The following SLC6A13 variants were observed in gnomAD, a reference collection of about 807,000 sequenced individuals.
SLC6A13 encodes sodium- and chloride-dependent GABA transporter 2.
In SLC6A13, 69 loss-of-function variants were observed where a neutral mutation model predicts 72.9. The ratio of observed to expected loss-of-function variants is 0.95; its 90% confidence interval spans 0.78 to 1.16. The LOEUF is 1.16. Among genes scored for constraint, SLC6A13 ranks in the 50% most tolerant of loss-of-function variants. The pLI, the probability that SLC6A13 is intolerant of heterozygous loss-of-function variation, is 0.00. For synonymous variants in SLC6A13, 303 were observed against 303.0 expected (o/e 1.00, Z 0.00); for missense variants, 735 against 760.5 (o/e 0.97, Z 0.39).
intron 14 of SLC6A13, 141 bp from the exon 15 acceptor site, chr12:221,211 G>T: frequency 7.5e-7 from 1 of 1,334,798 alleles, no homozygotes; most frequent in Non-Finnish European, 1.0e-6. Flanking sequence ...GTCCCCCTGT[G>T]TCTTCCCGAG....
At chr12:228,163 A>G (rs1471503122) in intron 7 of SLC6A13, among the ~76,000 whole-genome samples, 2 of 152,186 alleles carry the variant, frequency 1.3e-5, no homozygotes, top group Non-Finnish European at 2.9e-5. Flanking sequence ...CTCGGCTCAC[A>G]AAAAGGCAAA....
intron 7 of SLC6A13, 74 bp from the exon 8 acceptor site, chr12:227,742 A>G: frequency 7.6e-7 from 1 of 1,318,878 alleles, no homozygotes; most frequent in Non-Finnish European, 1.1e-6. Flanking sequence ...GGACACAGGC[A>G]TGTGGCTGAG....
intron 8 of SLC6A13, 109 bp downstream of exon 8, chr12:227,456 G>C: frequency 6.5e-7 from 1 of 1,544,794 alleles, no homozygotes. Context: ...TGTAGACAGG[G>C]GGGCAGATCC....
intron 2 of SLC6A13, among the ~76,000 whole-genome samples, chr12:244,160 A>G (rs1020740610): frequency 6.6e-6 from 1 of 152,274 alleles, no homozygotes; most frequent in African/African-American, 2.4e-5. Flanking sequence ...CCCACAGTCT[A>G]TAATTCTTTT....
intron 9 of SLC6A13, among the ~76,000 whole-genome samples, chr12:224,946 G>A (rs1235070342): frequency 6.6e-6 from 1 of 152,200 alleles, no homozygotes; most frequent in Non-Finnish European, 1.5e-5. Flanking sequence ...TCCTCGCGAT[G>A]TTCCGTTGTA....
At chr12:222,733 T>C in intron 12 of SLC6A13, 101 bp from the exon 13 acceptor site, 1 of 677,920 alleles carries the variant, frequency 1.5e-6, no homozygotes, top group East Asian at 2.8e-5. Context: ...CAGGGACCCA[T>C]AAAGAGATGA....
chr12:248,824 A>G (rs1942445630), intron 2 of SLC6A13, among the ~76,000 whole-genome samples: 1 of 152,240 alleles, frequency 6.6e-6, no homozygotes, highest in South Asian at 2.1e-4. Flanking sequence ...ACAGTCCAAC[A>G]GCAGAATATG....
At chr12:222,202 C>T (rs886447599) in intron 13 of SLC6A13, among the ~76,000 whole-genome samples, 8 of 152,196 alleles carry the variant, frequency 5.3e-5, no homozygotes, top group African/African-American at 1.4e-4. Flanking sequence ...GGCTCTATAC[C>T]GGCTGCTATT....
intron 7 of SLC6A13, among the ~76,000 whole-genome samples, chr12:232,095 T>C (rs1352358363): frequency 6.6e-6 from 1 of 152,218 alleles, no homozygotes; most frequent in Non-Finnish European, 1.5e-5. Context: ...ATAATGCATG[T>C]AAGCCTCTTA....
At chr12:239,601 T>C (rs1163860635) in intron 4 of SLC6A13, among the ~76,000 whole-genome samples, 3 of 152,254 alleles carry the variant, frequency 2.0e-5, no homozygotes, top group Non-Finnish European at 4.4e-5. Flanking sequence ...TGCTGCTGCT[T>C]TCTAAGCAGA....
chr12:228,051 A>T (rs1222344046), intron 7 of SLC6A13, among the ~76,000 whole-genome samples: 1 of 152,156 alleles, frequency 6.6e-6, no homozygotes, highest in Non-Finnish European at 1.5e-5. Flanking sequence ...ATCCAGGCAC[A>T]GGGTCTCCAG....
At chr12:253,619 C>T (rs1942634319) in intron 2 of SLC6A13, 2 of 152,262 alleles carry the variant, frequency 1.3e-5, no homozygotes, top group South Asian at 4.1e-4. Flanking sequence ...TGCCTCCTGT[C>T]GTGGCCTCAC....
intron 8 of SLC6A13, 195 bp from the exon 9 acceptor site, chr12:226,709 C>T (rs1039002085): frequency 9.0e-6 from 5 of 556,002 alleles, no homozygotes; most frequent in Non-Finnish European, 1.5e-5. Flanking sequence ...ACTCCTCGGC[C>T]CCACCAGCCC....
At chr12:259,574 T>C (rs1343574586) in intron 2 of SLC6A13, 2 of 1,411,810 alleles carry the variant, frequency 1.4e-6, no homozygotes, top group Non-Finnish European at 1.8e-6. Flanking sequence ...ACACAGAGTG[T>C]TAAGTAGCAG....
chr12:262,687 G>A (rs1475956972), intron 1 of SLC6A13, 102 bp downstream of exon 1: 7 of 985,042 alleles, frequency 7.1e-6, no homozygotes, highest in African/African-American at 1.7e-5. Context: ...CTTTCTAGGC[G>A]AGGGTAAGAA....
In SLC6A13 at chr12:242,629, G is replaced by C. The variant is rs1352966529; in HGVS notation, c.463C>G (p.His155Asp). The C allele has an allele frequency of 3.7e-6, 6 of 1,613,686 alleles. No individual in the cohort carries two copies. The African/African-American group carries it at 4.0e-5, about 11-fold the overall frequency. ...AGGACCATACCTGTGTTCCACTCATGGTAGCAGCCGCCCCAGGGCAGGTCG... is the reference window on the plus strand; with the variant it reads ...AGGACCATACCTGTGTTCCACTCATCGTAGCAGCCGCCCCAGGGCAGGTCG... ...TIDLPWGGCY[H>D]EWNTEHCMEF... Residue 155 changes from histidine (H) to aspartate (D), a missense_variant, in exon 4 of 15, where the codon CAT (histidine) becomes GAT (aspartate). Coordinates refer to ENST00000343164, the MANE Select transcript of SLC6A13 (RefSeq NM_016615.5).
intron 2 of SLC6A13, among the ~76,000 whole-genome samples, chr12:244,606 A>C (rs558732707): frequency 1.3e-5 from 2 of 152,006 alleles, no homozygotes; most frequent in Non-Finnish European, 2.9e-5. Context: ...GGGAGGATTG[A>C]TTAAACCTGG....
chr12:256,197 C>T (rs953783375), intron 2 of SLC6A13, among the ~76,000 whole-genome samples: 6 of 152,054 alleles, frequency 3.9e-5, no homozygotes, highest in African/African-American at 1.2e-4. Context: ...GAATGTATGC[C>T]CTATGAGGAC....
At chr12:247,225 CAACA>C (rs1321937918) in intron 2 of SLC6A13, among the ~76,000 whole-genome samples, 4 of 149,874 alleles carry the variant, frequency 2.7e-5, no homozygotes, top group Non-Finnish European at 5.9e-5. Flanking sequence ...CCAAAAAGTT[CAACA>C]AACACCAAGA....
Sources: gnomAD v4.1 joint callset for allele counts (sites outside exome capture counted in the v4.1 genomes callset) on GRCh38, gnomAD v4.1.1 for gene constraint, MANE v1.5 for transcripts, NCBI Gene and HGNC (gene_info 2026-07-23, HGNC 2026-07-21) for gene names.